Variants in ADGRV1 observed in about 807,000 individuals in gnomAD.
ADGRV1 encodes adhesion G protein-coupled receptor V1, also known as G-protein coupled receptor 98.
ADGRV1 carries 359 observed loss-of-function variants against 596.2 expected under a neutral mutation model. The observed-to-expected ratio is 0.60, with a 90% CI of 0.55 to 0.66. The LOEUF (loss-of-function observed/expected upper bound fraction) is 0.66. Ranked by LOEUF, ADGRV1 falls within the 30% of genes least tolerant of loss-of-function variation. The pLI, the probability that ADGRV1 is intolerant of heterozygous loss-of-function variation, is 0.00. For synonymous variants in ADGRV1, 2,681 were observed against 2,679.2 expected (o/e 1.00, Z -0.02); for missense variants, 7,274 against 7,575.6 (o/e 0.96, Z 1.48).
chr5:90,985,272 C>T, intron 84 of ADGRV1, 72 bp from the exon 85 acceptor site: 1 of 1,125,826 alleles, frequency 8.9e-7, no homozygotes, highest in Non-Finnish European at 1.2e-6. Context: ...GTAACATTGC[C>T]TAAGCCAGTA....
chr5:91,092,767 A>G (rs1413060637), intron 86 of ADGRV1: 1 of 152,166 alleles, frequency 6.6e-6, no homozygotes, highest in Non-Finnish European at 1.5e-5. Flanking sequence ...AAATAGGGCC[A>G]TGGTTGCTCT....
At chr5:90,569,649 CCTT>C (rs1756266542) in intron 1 of ADGRV1, among the ~76,000 whole-genome samples, 1 of 150,434 alleles carries the variant, frequency 6.6e-6, no homozygotes, top group Admixed American at 6.6e-5. Flanking sequence ...TCTTTTACTG[CCTT>C]CTTTTATTTT....
At chr5:90,915,633 C>A (rs1385947461) in intron 83 of ADGRV1, among the ~76,000 whole-genome samples, 1 of 152,086 alleles carries the variant, frequency 6.6e-6, no homozygotes, top group Non-Finnish European at 1.5e-5. Flanking sequence ...ACATCAAGTT[C>A]TAAAATTAGC....
chr5:90,690,705 G>C, intron 30 of ADGRV1, 92 bp from the exon 31 acceptor site: 1 of 1,265,052 alleles, frequency 7.9e-7, no homozygotes, highest in Non-Finnish European at 1.1e-6. Flanking sequence ...TGCTTAGGGG[G>C]GAAGAGAATC....
chr5:90,951,261 A>C (rs1221537976), intron 83 of ADGRV1, among the ~76,000 whole-genome samples: 1 of 152,218 alleles, frequency 6.6e-6, no homozygotes, highest in Non-Finnish European at 1.5e-5. Context: ...CTTGTTTTCC[A>C]AAACTGAATT....
At position 90,819,409 on chromosome 5, in the gene ADGRV1, A is replaced by G. The variant is rs928678974; in HGVS notation, c.16196+3673A>G. On this transcript the variant is annotated intron_variant, in intron 75 of 89. Transcript: ENST00000405460. ...TTTTTGAAGAGTTTTTTGTGTCTCT[A>G]TTTCCTTCAGTTCTGCTCTGATTTT... Among the ~76,000 whole-genome samples, 418 of 151,024 alleles carry G rather than the reference A, an allele frequency of 2.8e-3. 4 individuals are homozygous for G. Among genetic ancestry groups the G allele is most frequent in the African/African-American group, 9.7e-3 (392 of 40,616 alleles).
intron 85 of ADGRV1, among the ~76,000 whole-genome samples, chr5:91,024,843 G>A (rs564969596): frequency 5.3e-5 from 8 of 152,148 alleles, no homozygotes; most frequent in East Asian, 3.9e-4. Flanking sequence ...CTAAGATTTC[G>A]GTAACTTGAT....
intron 77 of ADGRV1, among the ~76,000 whole-genome samples, chr5:90,836,642 G>A (rs1012244261): frequency 2.6e-5 from 4 of 152,120 alleles, no homozygotes; most frequent in African/African-American, 9.7e-5. Flanking sequence ...GGATGAAAAT[G>A]TTCTGTCTCT....
chr5:91,079,767 A>C (rs1280389471), intron 86 of ADGRV1, among the ~76,000 whole-genome samples: 1 of 152,150 alleles, frequency 6.6e-6, no homozygotes, highest in East Asian at 1.9e-4. Flanking sequence ...TTGGAGATGG[A>C]TGAGGACAAA....
At chr5:90,622,395 T>C (rs1272672169) in intron 4 of ADGRV1, among the ~76,000 whole-genome samples, 1 of 152,254 alleles carries the variant, frequency 6.6e-6, no homozygotes. Flanking sequence ...GACTAGTTTT[T>C]ATGTTCCCTT....
intron 85 of ADGRV1, among the ~76,000 whole-genome samples, chr5:91,047,376 A>T (rs1309687018): frequency 6.6e-6 from 1 of 152,190 alleles, no homozygotes; most frequent in East Asian, 1.9e-4. Context: ...TCACAAGATG[A>T]GGTCCCACAA....
At chr5:90,871,567 G>T (rs1768686066) in intron 83 of ADGRV1, among the ~76,000 whole-genome samples, 1 of 152,206 alleles carries the variant, frequency 6.6e-6, no homozygotes, top group Non-Finnish European at 1.5e-5. Context: ...ACATTATCAT[G>T]TTTGCAACAT....
chr5:91,012,682 T>G (rs1315651301), intron 85 of ADGRV1, among the ~76,000 whole-genome samples: 1 of 152,000 alleles, frequency 6.6e-6, no homozygotes, highest in Non-Finnish European at 1.5e-5. Flanking sequence ...GTAATGTATA[T>G]TCATAAATGT....
intron 1 of ADGRV1, among the ~76,000 whole-genome samples, chr5:90,569,383 ATATATTTTTTTTTTTT>A (rs1195587626): frequency 1.1e-4 from 2 of 17,428 alleles, no homozygotes; most frequent in African/African-American, 2.7e-4. Context: ...ATATATATAT[ATATATTTTTTTTTTTT>A]TTTTTTTTTT....
Position 90,617,827 on chromosome 5 carries a change from C to CT in ADGRV1, c.237dup (p.Asp80Ter). 2 of 1,598,240 alleles carry CT rather than the reference C, an allele frequency of 1.3e-6. No homozygotes were observed. Among genetic ancestry groups the CT allele is most frequent in the Non-Finnish European group, 1.7e-6 (2 of 1,171,670 alleles). ...AGCTGTATGGAGAGGACGCTGGTGA[C>CT]TTTTTTGACACATATGCTGCAGCTT... On this transcript the variant is annotated frameshift_variant, in exon 3 of 90. Coordinates refer to ENST00000405460, the MANE Select transcript of ADGRV1 (RefSeq NM_032119.4). LOFTEE classifies it high-confidence loss of function.
At chr5:91,067,268 C>T (rs1787963833) in intron 85 of ADGRV1, among the ~76,000 whole-genome samples, 1 of 151,066 alleles carries the variant, frequency 6.6e-6, no homozygotes, top group Non-Finnish European at 1.5e-5. Flanking sequence ...CTTAGCCTTC[C>T]GAGTAGCTGG....
In ADGRV1 at chr5:90,651,047, A is replaced by G. The variant is rs118012584; in HGVS notation, c.3290-557A>G. On this transcript the variant is annotated intron_variant, in intron 17 of 89. Coordinates refer to ENST00000405460, the MANE Select transcript of ADGRV1 (RefSeq NM_032119.4). ...GTGCAAAGAACTGGAGTAGAAAGGA[A>G]TCAAGCCCAAACCATGGAGACTACT... 3.6e-4 allele frequency among the ~76,000 whole-genome samples: 55 copies of G among 152,316 alleles called. No individual in the cohort carries two copies. The East Asian group carries it at 9.7e-3, about 27-fold the overall frequency.
chr5:90,972,157 C>A (rs150348867), intron 84 of ADGRV1, among the ~76,000 whole-genome samples: 1 of 152,156 alleles, frequency 6.6e-6, no homozygotes, highest in Non-Finnish European at 1.5e-5. Flanking sequence ...GCTGACTATC[C>A]TAAATATATA....
At chr5:90,817,553 T>G (rs371695071) in intron 75 of ADGRV1, among the ~76,000 whole-genome samples, 2 of 151,028 alleles carry the variant, frequency 1.3e-5, no homozygotes, top group Non-Finnish European at 2.9e-5. Context: ...TTAGGTCTAA[T>G]GTTTAAGTCT....
Sources: allele counts gnomAD v4.1 joint callset (sites outside exome capture counted in the v4.1 genomes callset), GRCh38; gene constraint gnomAD v4.1.1; transcripts MANE v1.5; gene names NCBI Gene and HGNC (gene_info 2026-07-23, HGNC 2026-07-21).